HAPSTR1: variants seen among roughly 807,000 people sequenced by gnomAD.
The protein encoded by HAPSTR1 is HUWE1 associated protein modifying stress responses, also known as HUWE1-associated protein modifying stress responses 1.
the HAPSTR1 span, among the ~76,000 whole-genome samples, chr16:9,100,041 A>G: frequency 6.6e-6 from 1 of 152,232 alleles, no homozygotes; most frequent in South Asian, 2.1e-4. Context: ...AAACTACATT[A>G]TGCCCCGGTG....
the HAPSTR1 span, chr16:9,107,598 C>T: frequency 6.6e-6 from 1 of 152,234 alleles, no homozygotes; most frequent in Non-Finnish European, 1.5e-5. Flanking sequence ...ACAGTGAAGT[C>T]CAAATTCAGC....
chr16:9,092,455 G>A, the HAPSTR1 span, among the ~76,000 whole-genome samples: 178 of 152,218 alleles, frequency 1.2e-3, no homozygotes, highest in African/African-American at 4.1e-3. Context: ...GAGGCCCGGG[G>A]TTGGGGGGAC....
At chr16:9,103,389 G>C in the HAPSTR1 span, 1 of 973,962 alleles carries the variant, frequency 1.0e-6, no homozygotes, top group Non-Finnish European at 1.5e-6. Flanking sequence ...CTCTAGAAAT[G>C]TTTAATAGAA....
At chr16:9,113,725 A>G in the HAPSTR1 span, among the ~76,000 whole-genome samples, 3 of 152,340 alleles carry the variant, frequency 2.0e-5, no homozygotes, top group African/African-American at 4.8e-5. Flanking sequence ...TTTGAAGAAC[A>G]TGGGCACCTT....
At chr16:9,102,903 A>G in the HAPSTR1 span, 1 of 1,448,142 alleles carries the variant, frequency 6.9e-7, no homozygotes, top group Non-Finnish European at 9.4e-7. Context: ...CTTTGGTTAA[A>G]TTGTAAAATG....
the HAPSTR1 span, chr16:9,120,608 T>TCAAGC: frequency 6.7e-6 from 1 of 150,338 alleles, no homozygotes; most frequent in Non-Finnish European, 1.5e-5. Flanking sequence ...ACAGCAAAAA[T>TCAAGC]CAAGCCACAC....
At chr16:9,098,385 C>T in the HAPSTR1 span, among the ~76,000 whole-genome samples, 9 of 152,150 alleles carry the variant, frequency 5.9e-5, no homozygotes, top group Admixed American at 5.9e-4. Flanking sequence ...GTTTTGTGTG[C>T]TAGGTGAAGA....
chr16:9,101,825 A>C, the HAPSTR1 span, among the ~76,000 whole-genome samples: 2 of 152,092 alleles, frequency 1.3e-5, no homozygotes, highest in Admixed American at 6.5e-5. Context: ...GATGTAGCAG[A>C]CAAGAAATTA....
chr16:9,096,709 T>C, the HAPSTR1 span, among the ~76,000 whole-genome samples: 6 of 152,332 alleles, frequency 3.9e-5, no homozygotes, highest in African/African-American at 1.4e-4. Context: ...AATACCTTAG[T>C]GTGGATTACA....
chr16:9,100,361 A>G, the HAPSTR1 span, among the ~76,000 whole-genome samples: 1 of 151,904 alleles, frequency 6.6e-6, no homozygotes, highest in Non-Finnish European at 1.5e-5. Flanking sequence ...TGACTGTTGG[A>G]CTTCTTGTGT....
chr16:9,118,793 A>G, the HAPSTR1 span: 1 of 152,656 alleles, frequency 6.6e-6, no homozygotes, highest in Non-Finnish European at 1.5e-5. Context: ...TGTTGCTCAC[A>G]AGTGGCCAGA....
At chr16:9,112,132 A>C in the HAPSTR1 span, 2 of 152,252 alleles carry the variant, frequency 1.3e-5, no homozygotes, top group South Asian at 2.1e-4. Flanking sequence ...TATCTACTTC[A>C]AATTACTGAA....
the HAPSTR1 span, chr16:9,109,599 C>CT: frequency 6.6e-6 from 1 of 152,166 alleles, no homozygotes; most frequent in Non-Finnish European, 1.5e-5. Context: ...ACTCAAAGGC[C>CT]TCTAGCATGC....
chr16:9,110,279 C>T, the HAPSTR1 span: 7 of 151,010 alleles, frequency 4.6e-5, no homozygotes, highest in African/African-American at 1.7e-4. Context: ...GATGTAGGGC[C>T]GTATGAAAAA....
the HAPSTR1 span, among the ~76,000 whole-genome samples, chr16:9,095,359 G>A: frequency 6.6e-6 from 1 of 152,058 alleles, no homozygotes; most frequent in South Asian, 2.1e-4. Context: ...TTAGCAAGGT[G>A]GTGTCACAAG....
At chr16:9,103,595 C>T in the HAPSTR1 span, 2 of 210,862 alleles carry the variant, frequency 9.5e-6, no homozygotes, top group South Asian at 8.3e-5. Flanking sequence ...GTTCTTGTGT[C>T]TTAAGAATTC....
the HAPSTR1 span, chr16:9,121,007 C>G: frequency 6.6e-6 from 1 of 152,376 alleles, no homozygotes; most frequent in East Asian, 1.9e-4. Flanking sequence ...GATGGAGTCT[C>G]TGTCGCTGGA....
At chr16:9,102,241 G>GA in the HAPSTR1 span, among the ~76,000 whole-genome samples, 1 of 152,228 alleles carries the variant, frequency 6.6e-6, no homozygotes, top group Non-Finnish European at 1.5e-5. Context: ...ACATACTGGT[G>GA]ATGTTCTGCT....
At chr16:9,095,685 G>T in the HAPSTR1 span, among the ~76,000 whole-genome samples, 1 of 151,822 alleles carries the variant, frequency 6.6e-6, no homozygotes, top group Non-Finnish European at 1.5e-5. Context: ...GTTGTCAGAG[G>T]GCTTTTGAAA....
Sources: allele counts gnomAD v4.1 joint callset (sites outside exome capture counted in the v4.1 genomes callset), GRCh38; gene constraint gnomAD v4.1.1; transcripts MANE v1.5; gene names NCBI Gene and HGNC (gene_info 2026-07-23, HGNC 2026-07-21).